The following PRDM6 variants were observed in gnomAD, a reference collection of about 807,000 sequenced individuals.
The protein encoded by PRDM6 is PR/SET domain 6, also known as putative histone-lysine N-methyltransferase PRDM6.
Under a neutral mutation model 60.8 loss-of-function variants are expected in PRDM6, and 25 were observed. That is an observed-to-expected ratio of 0.41 (90% confidence interval 0.30 to 0.57). PRDM6 has a LOEUF of 0.57. Ranked by LOEUF, PRDM6 falls within the 20% of genes least tolerant of loss-of-function variation. The pLI is 0.27. For synonymous variants in PRDM6, 407 were observed against 357.4 expected (o/e 1.14, Z -1.57); for missense variants, 839 against 821.3 (o/e 1.02, Z -0.26).
chr5:123,166,253 A>C (rs1765749670), intron 5 of PRDM6, among the ~76,000 whole-genome samples: 2 of 152,268 alleles, frequency 1.3e-5, no homozygotes, highest in Admixed American at 1.3e-4. Flanking sequence ...GCATGGCACA[A>C]GACTCTATGG....
chr5:123,177,684 A>G (rs184478538), intron 6 of PRDM6, among the ~76,000 whole-genome samples: 5 of 152,302 alleles, frequency 3.3e-5, no homozygotes, highest in Non-Finnish European at 5.9e-5. Flanking sequence ...AATAGAGATC[A>G]TATTGGTGAT....
intron 2 of PRDM6, among the ~76,000 whole-genome samples, chr5:123,090,869 C>G (rs1231806078): frequency 6.6e-6 from 1 of 152,214 alleles, no homozygotes; most frequent in Non-Finnish European, 1.5e-5. Flanking sequence ...GCTTCACAGT[C>G]CCAAGTGTTT....
At chr5:123,158,155 AT>A (rs1765548273) in intron 4 of PRDM6, among the ~76,000 whole-genome samples, 1 of 152,210 alleles carries the variant, frequency 6.6e-6, no homozygotes, top group African/African-American at 2.4e-5. Context: ...AAAGTGTGTC[AT>A]TTGGTTTTAG....
At chr5:123,119,607 G>T (rs186105781) in intron 3 of PRDM6, among the ~76,000 whole-genome samples, 223 of 152,346 alleles carry the variant, frequency 1.5e-3, no homozygotes, top group Middle Eastern at 6.8e-3. Context: ...TTAGAGCCCA[G>T]GGTCGGGGAC....
Position 123,165,246 on chromosome 5 carries a change from A to T in PRDM6, c.1154-5520A>T, listed in dbSNP as rs150778994. ...ATGCAACTCCAACTAAACCTGCGTAAAACTAAAACCACTCTATTCACTCCC... is the reference window on the plus strand; with the variant it reads ...ATGCAACTCCAACTAAACCTGCGTATAACTAAAACCACTCTATTCACTCCC... On this transcript the variant is annotated intron_variant, in intron 5 of 7. Coordinates refer to ENST00000407847, the MANE Select transcript of PRDM6 (RefSeq NM_001136239.4). 6.6e-5 allele frequency among the ~76,000 whole-genome samples: 10 copies of T among 152,272 alleles called. No homozygotes were observed. The East Asian group carries it at 1.9e-3, about 29-fold the overall frequency.
chr5:123,107,735 C>T (rs1396177169), intron 3 of PRDM6, among the ~76,000 whole-genome samples: 2 of 152,062 alleles, frequency 1.3e-5, no homozygotes, highest in Non-Finnish European at 2.9e-5. Context: ...TGATTTTTGT[C>T]CTGTTTGTGA....
At chr5:123,142,921 A>G (rs1393858827) in intron 3 of PRDM6, among the ~76,000 whole-genome samples, 1 of 149,916 alleles carries the variant, frequency 6.7e-6, no homozygotes, top group Non-Finnish European at 1.5e-5. Flanking sequence ...CCAAAGCAAA[A>G]CAAAACAAAA....
Position 123,145,080 on chromosome 5 carries a change from A to T in PRDM6, c.901-10804A>T, listed in dbSNP as rs369827715. 3.9e-5 allele frequency among the ~76,000 whole-genome samples: 6 copies of T among 152,294 alleles called. No homozygotes were observed. The East Asian group carries it at 1.2e-3, about 29-fold the overall frequency. ...ACAGATTTTATCCTTGCCCTCATTG[A>T]GGTTATATCCTTGCATGCTTGTTTA... On this transcript the variant is annotated intron_variant, in intron 3 of 7. Transcript: ENST00000407847.
At chr5:123,180,121 C>G in intron 6 of PRDM6, 26 bp from the exon 7 acceptor site, 1 of 1,511,894 alleles carries the variant, frequency 6.6e-7, no homozygotes, top group Non-Finnish European at 8.9e-7. Flanking sequence ...AAAACAATGA[C>G]CAGACAGTCT....
chr5:123,149,606 T>A (rs925354240), intron 3 of PRDM6, among the ~76,000 whole-genome samples: 2 of 152,202 alleles, frequency 1.3e-5, no homozygotes, highest in Non-Finnish European at 2.9e-5. Flanking sequence ...CAAGCGACAC[T>A]GCAATGAACT....
In PRDM6 at chr5:123,190,966, A is replaced by G. The variant is rs1370536104; in HGVS notation, c.*3765A>G. On this transcript the variant is annotated 3_prime_UTR_variant, in exon 8 of 8. Transcript: ENST00000407847. ...AGAGAGGTAAATTCATCTGGGGACCAGAAAATAGCATATTGCAAAACAAGT... is the reference window on the plus strand; with the variant it reads ...AGAGAGGTAAATTCATCTGGGGACCGGAAAATAGCATATTGCAAAACAAGT... The G allele has an allele frequency of 1.3e-5, 2 of 152,240 alleles. No individual in the cohort carries two copies. 9.4% of individuals were successfully genotyped at this position (152,240 alleles called of 1,614,324 possible).
intron 3 of PRDM6, among the ~76,000 whole-genome samples, chr5:123,151,996 T>TAA (rs904383155): frequency 2.0e-5 from 3 of 150,404 alleles, no homozygotes; most frequent in South Asian, 2.1e-4. Flanking sequence ...GGAGGGAAAT[T>TAA]AAAAAAAAAA....
Position 123,090,249 on chromosome 5 carries a change from G to GCCTCGTCCACGCCGGCTT in PRDM6, c.240_257dup (p.Pro83_Thr88dup), listed in dbSNP as rs761998499. 2.9e-5 allele frequency: 43 copies of GCCTCGTCCACGCCGGCTT among 1,483,840 alleles called. No individual in the cohort carries two copies. Among genetic ancestry groups the GCCTCGTCCACGCCGGCTT allele is most frequent in the Middle Eastern group, 2.4e-4 (1 of 4,238 alleles). The allele number at this position is 1,483,840 out of a possible 1,614,324, so 91.9% of individuals were successfully genotyped here. A position where few individuals can be genotyped will look rare whatever the true frequency, so the allele number is the denominator to read the frequency against. On this transcript the variant is annotated inframe_insertion, in exon 2 of 8. Coordinates refer to ENST00000407847, the MANE Select transcript of PRDM6 (RefSeq NM_001136239.4). ...CCCGCGGCCCGCCTCTCTCTCCTCC[G>GCCTCGTCCACGCCGGCTT]CCTCGTCCACGCCGGCTTCCTCTTC...
Position 123,155,082 on chromosome 5 carries a change from C to A in PRDM6, c.901-802C>A, listed in dbSNP as rs150162149. 6.8e-3 allele frequency among the ~76,000 whole-genome samples: 1,030 copies of A among 152,198 alleles called. 14 individuals are homozygous for A. The highest frequency in any genetic ancestry group is 0.024 in the African/African-American group (990 of 41,508). On this transcript the variant is annotated intron_variant, in intron 3 of 7. Coordinates refer to ENST00000407847, the MANE Select transcript of PRDM6 (RefSeq NM_001136239.4). The stretch of plus-strand genomic sequence containing the variant: ...TTGCTTGGCTCCCTAGTTGCTTTCA[C>A]AAGACTTTTTGTCTCATGCTTATTG...
rs1286512135 is a variant in PRDM6, at chr5:123,099,737, A to C, written c.676A>C (p.Ser226Arg). The change falls in exon 3 of 8, where the codon AGC (serine) becomes CGC (arginine). Residue 226 changes from serine to arginine, a missense_variant. By Grantham distance (110) the Ser-to-Arg change is moderately radical. Around this residue, in one of 2 missense-constraint regions of PRDM6, gnomAD observed 730 missense variants for 648.8 expected, o/e 1.13. Coordinates refer to ENST00000407847, the MANE Select transcript of PRDM6 (RefSeq NM_001136239.4). The surrounding 1 kb of genome is among the most constrained non-coding windows in gnomAD (Gnocchi z 4.0). The part of the protein sequence containing the change: ...LHSLRRLVGT[S>R]SAAAAAPPPE... Reference sequence around the variant, plus strand: ...CTCGCTGCGCCGGCTTGTGGGCACCAGCAGCGCTGCGGCCGCCGCGCCCCC... The same window carrying C: ...CTCGCTGCGCCGGCTTGTGGGCACCCGCAGCGCTGCGGCCGCCGCGCCCCC... The C allele has an allele frequency of 2.6e-6, 4 of 1,542,764 alleles. No individual in the cohort carries two copies. The South Asian group carries it at 3.6e-5, about 14-fold the overall frequency.
intron 6 of PRDM6, 141 bp downstream of exon 6, chr5:123,171,249 A>G (rs1256441126): frequency 1.8e-5 from 13 of 705,268 alleles, no homozygotes; most frequent in Non-Finnish European, 3.0e-5. Context: ...GAGAAATGCA[A>G]GACCACTGCT....
rs1353716105 is a variant in PRDM6, at chr5:123,193,372, T to C, written c.*6171T>C. On this transcript the variant is annotated 3_prime_UTR_variant, in exon 8 of 8. Transcript: ENST00000407847. ...TATGCCGTATCAGGTGATTGCCACA[T>C]GTTGGGGAAAGCAGCCATCTTAGAG... The C allele has an allele frequency of 6.6e-6, 1 of 152,220 alleles. No individual in the cohort carries two copies. The highest frequency in any genetic ancestry group is 1.5e-5 in the Non-Finnish European group (1 of 68,046). 9.4% of individuals were successfully genotyped at this position (152,220 alleles called of 1,614,324 possible). A position where few individuals can be genotyped will look rare whatever the true frequency, so the allele number is the denominator to read the frequency against.
At chr5:123,169,835 T>C (rs1220781122) in intron 5 of PRDM6, among the ~76,000 whole-genome samples, 1 of 152,182 alleles carries the variant, frequency 6.6e-6, no homozygotes. Context: ...CCAGAGCTAT[T>C]GAATACTTTG....
At chr5:123,139,074 A>G (rs1270157282) in intron 3 of PRDM6, among the ~76,000 whole-genome samples, 2 of 152,186 alleles carry the variant, frequency 1.3e-5, no homozygotes, top group African/African-American at 4.8e-5. Context: ...CCTCCTTGTG[A>G]AAAAAGTACT....
Sources: gnomAD v4.1 joint callset for allele counts (sites outside exome capture counted in the v4.1 genomes callset) on GRCh38, gnomAD v4.1.1 for gene constraint, gnomAD v4.1.1 regional missense constraint, Gnocchi (gnomAD v3.1) non-coding constraint, MANE v1.5 for transcripts, NCBI Gene and HGNC (gene_info 2026-07-23, HGNC 2026-07-21) for gene names.